The following BRD7 variants were observed in gnomAD, a reference collection of about 807,000 sequenced individuals.
BRD7 encodes the protein bromodomain containing 7.
BRD7 carries 15 observed loss-of-function variants against 82.1 expected under a neutral mutation model. The observed-to-expected ratio is 0.18, with a 90% confidence interval of 0.12 to 0.28. The LOEUF (loss-of-function observed/expected upper bound fraction) is 0.28. BRD7 is among the 10% of genes least tolerant of loss of function. The pLI is 1.00. For synonymous variants in BRD7, 232 were observed against 266.9 expected, an observed-to-expected ratio of 0.87 and a Z score of 1.27; for missense variants, 638 against 779.9, an observed-to-expected ratio of 0.82 and a Z score of 2.17.
chr16:50,340,350 GA>G (rs2037994839), intron 5 of BRD7, among the ~76,000 whole-genome samples: 1 of 152,024 alleles, frequency 6.6e-6, no homozygotes. Context: ...ATCCCAGAAT[GA>G]AACTTTTAAA....
chr16:50,338,415 A>C (rs1390317730), intron 6 of BRD7, among the ~76,000 whole-genome samples: 1 of 152,238 alleles, frequency 6.6e-6, no homozygotes, highest in Non-Finnish European at 1.5e-5. Context: ...TCTCTCAGCC[A>C]AGCATACAGA....
chr16:50,360,590 C>T (rs1260454113), intron 2 of BRD7, among the ~76,000 whole-genome samples: 1 of 152,166 alleles, frequency 6.6e-6, no homozygotes, highest in Non-Finnish European at 1.5e-5. Flanking sequence ...ACAAGTTAGT[C>T]AAACCTCCCT....
chr16:50,326,805 A>G (rs1438884768), intron 9 of BRD7, among the ~76,000 whole-genome samples: 1 of 152,214 alleles, frequency 6.6e-6, no homozygotes, highest in African/African-American at 2.4e-5. Flanking sequence ...TGAAGGATAA[A>G]TGAGTATCTA....
chr16:50,317,906 A>C lies in BRD7; in HGVS notation c.*1305T>G, dbSNP rs1294040847. ...TGAGGAAATTTCCTAACAAACAAAC[A>C]AACAAACAAACAGAAGAGAAGATCA... On this transcript the variant is annotated 3_prime_UTR_variant, in exon 17 of 17. Transcript: ENST00000394688. The C allele has an allele frequency of 6.6e-6, 1 of 152,084 alleles. No individual in the cohort carries two copies. The highest frequency in any genetic ancestry group is 1.9e-4 in the East Asian group (1 of 5,332). The allele number at this position is 152,084 out of a possible 1,614,324, so 9.4% of individuals were successfully genotyped here. A position where few individuals can be genotyped will look rare whatever the true frequency, so the allele number is the denominator to read the frequency against.
At chr16:50,334,642 A>G (rs1480365226) in intron 7 of BRD7, 69 bp downstream of exon 7, 3 of 1,551,246 alleles carry the variant, frequency 1.9e-6, no homozygotes, top group Admixed American at 1.9e-5. Context: ...TCAGGCCCCG[A>G]ATAAGTATTT....
intron 8 of BRD7, 100 bp from the exon 9 acceptor site, chr16:50,328,844 C>A: frequency 1.0e-6 from 1 of 961,440 alleles, no homozygotes; most frequent in South Asian, 1.6e-5. Context: ...TTGTGGATTG[C>A]AGATTTTCCC....
intron 2 of BRD7, among the ~76,000 whole-genome samples, chr16:50,356,594 A>G (rs1296437475): frequency 3.3e-5 from 5 of 152,186 alleles, no homozygotes; most frequent in Admixed American, 2.6e-4. Flanking sequence ...ACTTGTAATT[A>G]TAAAAACATG....
rs532276554 is a variant in BRD7, at chr16:50,321,867, C to T, written c.1500+115G>A. On this transcript the variant is annotated intron_variant, in intron 13 of 16. Transcript: ENST00000394688. ...TGCCATTTCAGCTAGGCCCTCACAA[C>T]TCTACTCACTAACCTTTTTCCTTCT... 18 of 917,070 alleles carry T rather than the reference C, an allele frequency of 2.0e-5. No individual in the cohort carries two copies. The South Asian group carries it at 2.7e-4, about 14-fold the overall frequency. 56.8% of individuals were successfully genotyped at this position (917,070 alleles called of 1,614,324 possible).
At chr16:50,362,754 A>G (rs923340408) in intron 2 of BRD7, among the ~76,000 whole-genome samples, 12 of 152,352 alleles carry the variant, frequency 7.9e-5, no homozygotes, top group Admixed American at 2.0e-4. Context: ...AGAGACAGAA[A>G]GTGGAATGGT....
In BRD7 at chr16:50,333,576, G is replaced by A; in HGVS notation, c.1009C>T (p.Gln337Ter). ...AAGAAAAGGCAAAGCTCAATCACCT[G>A]ACTGTTCACAAGCCGCCTGGTCAGC... ...GKLTRRLVNS[Q>*]CEFERRKPDG... The change falls in exon 8 of 17, where the codon CAG (glutamine) becomes TAG (stop). Residue 337 changes from glutamine to a stop codon, truncating the protein, a stop_gained and splice_region_variant. Coordinates refer to ENST00000394688, the MANE Select transcript of BRD7 (RefSeq NM_013263.5). LOFTEE classifies it high-confidence loss of function. The A allele has an allele frequency of 6.2e-7, 1 of 1,611,668 alleles. No homozygotes were observed. The highest frequency in any genetic ancestry group is 8.5e-7 in the Non-Finnish European group (1 of 1,179,734).
rs964629342 is a variant in BRD7, at chr16:50,335,615, G to A, written c.703-720C>T. ...CCTGTACTCTGAAAGTTATCACTGG[G>A]TAAAATAGAGTGCAACCTCCTTAGG... On this transcript the variant is annotated intron_variant, in intron 6 of 16. Transcript: ENST00000394688. Among the ~76,000 whole-genome samples, 40 of 152,178 alleles carry A rather than the reference G, an allele frequency of 2.6e-4. 1 individual carries two copies. Among genetic ancestry groups the A allele is most frequent in the African/African-American group, 8.2e-4 (34 of 41,432 alleles).
intron 11 of BRD7, among the ~76,000 whole-genome samples, chr16:50,324,151 C>A (rs1409762946): frequency 6.6e-6 from 1 of 152,042 alleles, no homozygotes; most frequent in Non-Finnish European, 1.5e-5. Context: ...AGTAATGTTC[C>A]AAAGCTTCCC....
chr16:50,324,367 C>T (rs1452908496), intron 11 of BRD7, among the ~76,000 whole-genome samples: 3 of 152,200 alleles, frequency 2.0e-5, no homozygotes, highest in Non-Finnish European at 4.4e-5. Context: ...ACAGTCTATT[C>T]TCCAAGAGTA....
intron 2 of BRD7, among the ~76,000 whole-genome samples, chr16:50,358,415 G>A (rs2038820690): frequency 6.7e-6 from 1 of 148,292 alleles, no homozygotes; most frequent in Non-Finnish European, 1.5e-5. Flanking sequence ...AGCATGGCTT[G>A]AGCCCAGGAG....
At chr16:50,365,773 C>G (rs188248868) in intron 2 of BRD7, among the ~76,000 whole-genome samples, 117 of 152,048 alleles carry the variant, frequency 7.7e-4, no homozygotes, top group Non-Finnish European at 1.4e-3. Context: ...CCTCCCCCAC[C>G]CCACACACAC....
At chr16:50,368,532 A>C in intron 1 of BRD7, 194 bp downstream of exon 1, 1 of 700,882 alleles carries the variant, frequency 1.4e-6, no homozygotes, top group East Asian at 3.4e-5. Context: ...GACCCACCGG[A>C]CCAGGGGGAC....
intron 8 of BRD7, 85 bp from the exon 9 acceptor site, chr16:50,328,829 G>T (rs1322814936): frequency 8.0e-7 from 1 of 1,244,560 alleles, no homozygotes; most frequent in Non-Finnish European, 1.2e-6. Flanking sequence ...CTTGATACCA[G>T]AGTGTTGTGG....
chr16:50,340,760 T>C (rs941628449), intron 5 of BRD7, among the ~76,000 whole-genome samples: 6 of 152,160 alleles, frequency 3.9e-5, no homozygotes, highest in African/African-American at 1.4e-4. Context: ...ACCAAAACTG[T>C]CTTTTTGGCT....
chr16:50,334,815 G>A lies in BRD7; in HGVS notation c.783C>T (p.Asp261=), dbSNP rs147043971. Residue 261 remains aspartate, a synonymous_variant, in exon 7 of 17, where the codon GAC becomes GAT. Transcript: ENST00000394688. ...CTCCGTCCTCCCCACTCTGTGAGGT[G>A]TCTGTTCCATCTTTCTGCTTTCGAG... The part of the protein sequence containing the change: ...QKTRKQKDGT[D]TSQSGEDGGC... 396 of 1,614,100 alleles carry A rather than the reference G, an allele frequency of 2.5e-4. 4 individuals carry two copies. The African/African-American group carries it at 4.6e-3, about 19-fold the overall frequency.
Sources: gnomAD v4.1 joint callset for allele counts (sites outside exome capture counted in the v4.1 genomes callset) on GRCh38, gnomAD v4.1.1 for gene constraint, MANE v1.5 for transcripts, NCBI Gene and HGNC (gene_info 2026-07-23, HGNC 2026-07-21) for gene names.